The following SSBP2 variants were observed in gnomAD, a reference collection of about 807,000 sequenced individuals.
The protein encoded by SSBP2 is single stranded DNA binding protein 2.
Under a neutral mutation model 61.8 loss-of-function variants are expected in SSBP2, and 17 were observed. The observed-to-expected ratio is 0.28, with a 90% CI of 0.19 to 0.41. The LOEUF is 0.41. SSBP2 is among the 10% of genes least tolerant of loss of function. The probability of loss-of-function intolerance (pLI) is 1.00; values close to 1 mark genes in which losing one functional copy is unlikely to be tolerated. For synonymous variants in SSBP2, 139 were observed against 141.3 expected (o/e 0.98, Z 0.12); for missense variants, 310 against 458.7 (o/e 0.68, Z 2.96).
In SSBP2 at chr5:81,488,010, AATATATATATATATATATAT is replaced by A. The variant is rs59039206; in HGVS notation, c.432+1220_432+1239del. Among the ~76,000 whole-genome samples, 235 of 38,932 alleles carry A rather than the reference AATATATATATATATATATAT, an allele frequency of 6.0e-3. 21 individuals carry two copies. Among genetic ancestry groups the A allele is most frequent in the East Asian group, 0.024 (25 of 1,040 alleles). 25.5% of individuals were successfully genotyped at this position (38,932 alleles called of 152,430 possible). ...ATTTCCTTCTTGTTTATGGCCAAAT[AATATATATATATATATATAT>A]ATATATATATATATATATATATATA... On this transcript the variant is annotated intron_variant, in intron 6 of 16. Coordinates refer to ENST00000320672, the MANE Select transcript of SSBP2 (RefSeq NM_012446.5).
rs1041857977 is a variant in SSBP2 at position 81,670,254 on chromosome 5, CAT to C, written c.63-19917_63-19916del. Among the ~76,000 whole-genome samples, 9 of 152,138 alleles carry C rather than the reference CAT, an allele frequency of 5.9e-5. 1 individual carries two copies. The highest frequency in any genetic ancestry group is 1.7e-4 in the African/African-American group (7 of 41,434). ...GATGTTGATAAACGTGGAGGTAACA[CAT>C]GTGTGGGAGCAGAAAGAATATGGGA... On this transcript the variant is annotated intron_variant, in intron 1 of 16. Coordinates refer to ENST00000320672, the MANE Select transcript of SSBP2 (RefSeq NM_012446.5).
At chr5:81,600,561 C>CAAAAAAAA (rs35204869) in intron 4 of SSBP2, among the ~76,000 whole-genome samples, 14 of 87,484 alleles carry the variant, frequency 1.6e-4, no homozygotes, top group South Asian at 4.0e-4. Flanking sequence ...GACTCTGTCT[C>CAAAAAAAA]AAAAAAAAAA....
In SSBP2 at chr5:81,461,249, T is replaced by C. The variant is rs992576518; in HGVS notation, c.639-146A>G. On this transcript the variant is annotated intron_variant, in intron 9 of 16. Transcript: ENST00000320672. The stretch of plus-strand genomic sequence containing the variant: ...TGAAATTACTCTCTTTATATTTATT[T>C]TAATAGCTTTTTATATTAATTAAGT... The C allele has an allele frequency of 2.6e-5, 14 of 548,878 alleles. No homozygotes were observed. The African/African-American group carries it at 2.8e-4, about 11-fold the overall frequency. The allele number at this position is 548,878 out of a possible 1,614,324, so 34.0% of individuals were successfully genotyped here. A position where few individuals can be genotyped will look rare whatever the true frequency, so the allele number is the denominator to read the frequency against.
intron 4 of SSBP2, among the ~76,000 whole-genome samples, chr5:81,607,583 T>C (rs1056440428): frequency 4.6e-4 from 70 of 152,178 alleles, no homozygotes; most frequent in African/African-American, 1.5e-3. Flanking sequence ...GCTAATATGT[T>C]GAGAGATTTC....
chr5:81,660,707 T>C (rs943800120), intron 1 of SSBP2, among the ~76,000 whole-genome samples: 3 of 152,136 alleles, frequency 2.0e-5, no homozygotes, highest in Non-Finnish European at 4.4e-5. Context: ...CATATGCACA[T>C]GTATGTTTAC....
intron 1 of SSBP2, among the ~76,000 whole-genome samples, chr5:81,718,631 T>C (rs1755337176): frequency 6.6e-6 from 1 of 152,188 alleles, no homozygotes; most frequent in Non-Finnish European, 1.5e-5. Context: ...AGCTCTGAAC[T>C]GATACTGTTC....
In SSBP2 at chr5:81,431,878, G is replaced by A. The variant is rs1478185895; in HGVS notation, c.958-3195C>T. Among the ~76,000 whole-genome samples, 4 of 152,080 alleles carry A rather than the reference G, an allele frequency of 2.6e-5. No homozygotes were observed. In the South Asian group the frequency reaches 8.3e-4, roughly 32 times the overall value. On this transcript the variant is annotated intron_variant, in intron 15 of 16. Transcript: ENST00000320672. ...TAGGATTACACGTGTGGACCACTGT[G>A]CCCAGCTCATATCTTCTCTTAATTA... is the stretch of plus-strand genomic sequence containing the variant.
chr5:81,479,400 C>T (rs571929398), intron 6 of SSBP2, among the ~76,000 whole-genome samples: 2 of 152,210 alleles, frequency 1.3e-5, no homozygotes, highest in East Asian at 1.9e-4. Context: ...AAGTGATTCT[C>T]CTGCCTCAGC....
chr5:81,616,796 T>G (rs1481415144), intron 3 of SSBP2, among the ~76,000 whole-genome samples: 1 of 151,860 alleles, frequency 6.6e-6, no homozygotes, highest in Admixed American at 6.6e-5. Context: ...CCCTGACCCC[T>G]GTGCCCCGAG....
intron 4 of SSBP2, among the ~76,000 whole-genome samples, chr5:81,535,987 A>T (rs1180349103): frequency 6.6e-6 from 1 of 152,142 alleles, no homozygotes; most frequent in African/African-American, 2.4e-5. Flanking sequence ...AATATTTGCA[A>T]AAGACATATC....
intron 4 of SSBP2, among the ~76,000 whole-genome samples, chr5:81,529,039 C>T (rs1224340379): frequency 6.6e-6 from 1 of 151,992 alleles, no homozygotes; most frequent in Non-Finnish European, 1.5e-5. Context: ...ACATTTTTTT[C>T]AAGCACTCTT....
chr5:81,462,690 T>TA (rs1195585289), intron 9 of SSBP2, among the ~76,000 whole-genome samples: 1 of 152,116 alleles, frequency 6.6e-6, no homozygotes, highest in Non-Finnish European at 1.5e-5. Context: ...GAATCTAAGG[T>TA]AAAACATAAG....
chr5:81,730,761 A>G (rs1290638584), intron 1 of SSBP2, among the ~76,000 whole-genome samples: 1 of 152,224 alleles, frequency 6.6e-6, no homozygotes, highest in Non-Finnish European at 1.5e-5. Context: ...TTTACAGCTC[A>G]GTCCAAACTA....
intron 1 of SSBP2, among the ~76,000 whole-genome samples, chr5:81,667,428 C>G (rs766313805): frequency 2.0e-5 from 3 of 151,960 alleles, no homozygotes; most frequent in Non-Finnish European, 2.9e-5. Flanking sequence ...AGTAGAAAGA[C>G]CTCATTGAAC....
chr5:81,708,416 C>T (rs1266038196), intron 1 of SSBP2, among the ~76,000 whole-genome samples: 1 of 151,994 alleles, frequency 6.6e-6, no homozygotes, highest in African/African-American at 2.4e-5. Flanking sequence ...AAGCATTAAA[C>T]AATATAATAT....
intron 4 of SSBP2, among the ~76,000 whole-genome samples, chr5:81,568,925 A>G (rs1221961625): frequency 1.3e-5 from 2 of 152,154 alleles, no homozygotes; most frequent in Non-Finnish European, 2.9e-5. Flanking sequence ...GTAGAGAACA[A>G]TGGAAGGAAG....
At chr5:81,734,973 A>G (rs1756503927) in intron 1 of SSBP2, among the ~76,000 whole-genome samples, 1 of 146,926 alleles carries the variant, frequency 6.8e-6, no homozygotes. Flanking sequence ...TCCATCTCAA[A>G]AAAAAAAAAA....
chr5:81,566,247 T>A (rs539218914), intron 4 of SSBP2, among the ~76,000 whole-genome samples: 1 of 152,168 alleles, frequency 6.6e-6, no homozygotes, highest in South Asian at 2.1e-4. Context: ...CGTGATATGG[T>A]TTGGCTGTGT....
At chr5:81,697,793 T>C (rs1753696110) in intron 1 of SSBP2, among the ~76,000 whole-genome samples, 1 of 152,164 alleles carries the variant, frequency 6.6e-6, no homozygotes, top group Admixed American at 6.5e-5. Flanking sequence ...AGTAAATATT[T>C]TGCTGCTGTA....
Sources: gnomAD v4.1 joint callset for allele counts (sites outside exome capture counted in the v4.1 genomes callset) on GRCh38, gnomAD v4.1.1 for gene constraint, MANE v1.5 for transcripts, NCBI Gene and HGNC (gene_info 2026-07-23, HGNC 2026-07-21) for gene names.